Variants in TAF3 observed in about 807,000 individuals in gnomAD.
TAF3 encodes the protein transcription initiation factor TFIID subunit 3.
In TAF3, 7 loss-of-function variants were observed where a neutral mutation model predicts 80.6. The observed-to-expected ratio is 0.09, with a 90% confidence interval of 0.05 to 0.16. The LOEUF (loss-of-function observed/expected upper bound fraction) is 0.16. TAF3 is among the 10% of genes least tolerant of loss of function. The pLI, the probability that TAF3 is intolerant of heterozygous loss-of-function variation, is 1.00. For missense variants in TAF3, 921 were observed against 1,140.2 expected, an observed-to-expected ratio of 0.81 and a Z score of 2.77; for synonymous variants, 444 against 446.1, an observed-to-expected ratio of 1.00 and a Z score of 0.06.
intron 4 of TAF3, among the ~76,000 whole-genome samples, chr10:7,980,931 T>C (rs1831720137): frequency 6.6e-6 from 1 of 152,196 alleles, no homozygotes; most frequent in Non-Finnish European, 1.5e-5. Context: ...ATTGGCTAAC[T>C]TACAGTGTTC....
chr10:7,818,935 T>C (rs997117953), intron 1 of TAF3, 60 bp downstream of exon 1: 5 of 1,334,836 alleles, frequency 3.7e-6, no homozygotes, highest in Non-Finnish European at 4.8e-6. Flanking sequence ...ACACCTTCGC[T>C]CTCCCTGTCC....
intron 2 of TAF3, among the ~76,000 whole-genome samples, chr10:7,944,025 C>G (rs979670220): frequency 6.6e-6 from 1 of 150,488 alleles, no homozygotes; most frequent in African/African-American, 2.5e-5. Flanking sequence ...AGGAAGAATG[C>G]AAAACCATGA....
Position 7,861,755 on chromosome 10 carries a change from TTAAC to T in TAF3, c.409+37198_409+37201del, listed in dbSNP as rs1837150385. Among the ~76,000 whole-genome samples the T allele has an allele frequency of 4.6e-5, 7 of 152,228 alleles. 1 individual carries two copies. The South Asian group carries it at 1.5e-3, about 32-fold the overall frequency. On this transcript the variant is annotated intron_variant, in intron 2 of 6. Transcript: ENST00000344293. ...CTGTTTATGTTTGGCTTTCACCAAT[TTAAC>T]TAGGATGTGCCTAGGTGTGGTTTTC...
chr10:7,917,466 A>T (rs1837721736), intron 2 of TAF3, among the ~76,000 whole-genome samples: 1 of 149,056 alleles, frequency 6.7e-6, no homozygotes, highest in Admixed American at 6.7e-5. Context: ...TAACTGTGGA[A>T]CGGCCGATGG....
chr10:7,910,725 A>G (rs1467865092), intron 2 of TAF3, among the ~76,000 whole-genome samples: 2 of 152,306 alleles, frequency 1.3e-5, no homozygotes, highest in East Asian at 3.9e-4. Context: ...TATAAAGCTA[A>G]AATTATTTTT....
In TAF3 at chr10:7,981,274, C is replaced by T. The variant is rs1422147926; in HGVS notation, c.2315+3951C>T. On this transcript the variant is annotated intron_variant, in intron 4 of 6. Coordinates refer to ENST00000344293, the MANE Select transcript of TAF3 (RefSeq NM_031923.4). The stretch of plus-strand genomic sequence containing the variant: ...AAGCCTCCTCCCTCTTCCATCTATT[C>T]ACCCACCCTTGCCCTCGGGCAGTGG... 3.3e-5 allele frequency among the ~76,000 whole-genome samples: 5 copies of T among 152,184 alleles called. No individual in the cohort carries two copies. The South Asian group carries it at 8.3e-4, about 25-fold the overall frequency.
At chr10:7,879,936 C>T (rs1283645999) in intron 2 of TAF3, among the ~76,000 whole-genome samples, 3 of 152,056 alleles carry the variant, frequency 2.0e-5, no homozygotes, top group South Asian at 2.1e-4. Context: ...TGGCTGGGCA[C>T]GATGGGTCAC....
chr10:7,902,810 AT>A (rs1837571966), intron 2 of TAF3, among the ~76,000 whole-genome samples: 1 of 151,964 alleles, frequency 6.6e-6, no homozygotes, highest in African/African-American at 2.4e-5. Flanking sequence ...TAGAATGTTG[AT>A]TTTCTATCAC....
In TAF3 at chr10:7,944,140, G is replaced by T. The variant is rs1274683946; in HGVS notation, c.410-19780G>T. The stretch of plus-strand genomic sequence containing the variant: ...GTGTGTGTGTGTGTGTGTGTGTTGT[G>T]GGGGGGAGGGAAAAGGTAGATGAAA... On this transcript the variant is annotated intron_variant, in intron 2 of 6. Transcript: ENST00000344293. Among the ~76,000 whole-genome samples the T allele has an allele frequency of 1.1e-4, 16 of 141,124 alleles. 1 individual carries two copies. The highest frequency in any genetic ancestry group is 1.1e-3 in the Admixed American group (15 of 14,172). The allele number at this position is 141,124 out of a possible 152,430, so 92.6% of individuals were successfully genotyped here. A position where few individuals can be genotyped will look rare whatever the true frequency, so the allele number is the denominator to read the frequency against.
chr10:7,942,179 G>A (rs947405957), intron 2 of TAF3, among the ~76,000 whole-genome samples: 4 of 152,118 alleles, frequency 2.6e-5, no homozygotes, highest in Non-Finnish European at 4.4e-5. Context: ...TGAGAGCCAG[G>A]GAAAAGGAGA....
chr10:8,012,886 G>T (rs1254207294), intron 5 of TAF3, among the ~76,000 whole-genome samples: 1 of 152,214 alleles, frequency 6.6e-6, no homozygotes, highest in East Asian at 1.9e-4. Context: ...ATGCAATAAT[G>T]TGCTCTGTTA....
chr10:8,010,074 T>G (rs1258293261), intron 5 of TAF3, among the ~76,000 whole-genome samples: 1 of 152,018 alleles, frequency 6.6e-6, no homozygotes, highest in Non-Finnish European at 1.5e-5. Flanking sequence ...CTCGATTAGT[T>G]TTTTGTATTT....
At chr10:7,975,637 G>C (rs1831665527) in intron 3 of TAF3, among the ~76,000 whole-genome samples, 1 of 152,202 alleles carries the variant, frequency 6.6e-6, no homozygotes, top group African/African-American at 2.4e-5. Context: ...TGTCTGCCGA[G>C]CATCTCCTGC....
intron 2 of TAF3, among the ~76,000 whole-genome samples, chr10:7,893,272 T>C (rs143510330): frequency 6.6e-6 from 1 of 152,352 alleles, no homozygotes; most frequent in East Asian, 1.9e-4. Context: ...GAAAGAAAGC[T>C]TTGTTATTTA....
At chr10:7,962,103 G>A (rs1472330786) in intron 2 of TAF3, among the ~76,000 whole-genome samples, 1 of 152,018 alleles carries the variant, frequency 6.6e-6, no homozygotes, top group Non-Finnish European at 1.5e-5. Context: ...CTACTCCCTC[G>A]GCCTCCCAAG....
intron 4 of TAF3, among the ~76,000 whole-genome samples, chr10:7,979,838 G>T (rs937865021): frequency 2.6e-5 from 4 of 151,032 alleles, no homozygotes; most frequent in Admixed American, 6.6e-5. Flanking sequence ...GTGGGGGGTG[G>T]TTCTAAATCA....
At chr10:7,911,652 A>C (rs1837657871) in intron 2 of TAF3, among the ~76,000 whole-genome samples, 1 of 152,238 alleles carries the variant, frequency 6.6e-6, no homozygotes, top group African/African-American at 2.4e-5. Context: ...GTTTTCATTC[A>C]TCCTGAACGT....
At chr10:7,843,289 T>G (rs1179483057) in intron 2 of TAF3, among the ~76,000 whole-genome samples, 2 of 151,764 alleles carry the variant, frequency 1.3e-5, no homozygotes, top group Non-Finnish European at 2.9e-5. Flanking sequence ...TTTTTTTTTT[T>G]GTAGAGATGG....
intron 2 of TAF3, among the ~76,000 whole-genome samples, chr10:7,927,987 G>A (rs1837831390): frequency 6.6e-6 from 1 of 151,472 alleles, no homozygotes; most frequent in Non-Finnish European, 1.5e-5. Context: ...TTTTTTTGGA[G>A]TTCTGGATGT....
Sources: allele counts gnomAD v4.1 joint callset (sites outside exome capture counted in the v4.1 genomes callset), GRCh38; gene constraint gnomAD v4.1.1; transcripts MANE v1.5; gene names NCBI Gene and HGNC (gene_info 2026-07-23, HGNC 2026-07-21).